Variants in BCL11B observed in about 807,000 individuals in gnomAD.
BCL11B encodes the protein B-cell lymphoma/leukemia 11B.
BCL11B carries 8 observed loss-of-function variants against 49.9 expected under a neutral mutation model. The ratio of observed to expected loss-of-function variants is 0.16; its 90% CI spans 0.09 to 0.29. The LOEUF is 0.29. Ranked by LOEUF, BCL11B falls within the 10% of genes least tolerant of loss-of-function variation. The probability of loss-of-function intolerance (pLI) is 1.00; values close to 1 mark genes in which losing one functional copy is unlikely to be tolerated. For missense variants in BCL11B, 1,006 were observed against 1,351.0 expected, an observed-to-expected ratio of 0.74 and a Z score of 4.00; for synonymous variants, 739 against 637.4, an observed-to-expected ratio of 1.16 and a Z score of -2.40.
intron 2 of BCL11B, among the ~76,000 whole-genome samples, chr14:99,245,966 C>T (rs373005953): frequency 6.6e-6 from 1 of 152,014 alleles, no homozygotes; most frequent in Admixed American, 6.5e-5. Context: ...GGAAAGGAGC[C>T]GGGAAAAAAG....
At position 99,232,497 on chromosome 14, in the gene BCL11B, G is replaced by T. The variant is rs1473618214; in HGVS notation, c.428-940C>A. Among the ~76,000 whole-genome samples the T allele has an allele frequency of 6.6e-6, 1 of 152,226 alleles. No homozygotes were observed. The highest frequency in any genetic ancestry group is 1.9e-4 in the East Asian group (1 of 5,196). Reference sequence around the variant, plus strand: ...AGCATCAGAGAGACAAAAAGGAAACGTCAACAAGAGGATGGGCAGCTGGGC... The same window carrying T: ...AGCATCAGAGAGACAAAAAGGAAACTTCAACAAGAGGATGGGCAGCTGGGC... On this transcript the variant is annotated intron_variant, in intron 2 of 3. Transcript: ENST00000357195. The surrounding 1 kb of genome is among the most constrained non-coding windows in gnomAD (Gnocchi z 5.1).
rs1555375841 is a variant in BCL11B at position 99,172,264 on chromosome 14, A to G, written c.*1887T>C. ...TTCAGCAGTAAATCACCTCCACTCC[A>G]TATCTAAGCAGCGTTGTCCCAAAAA... is the stretch of plus-strand genomic sequence containing the variant. On this transcript the variant is annotated 3_prime_UTR_variant, in exon 4 of 4. Coordinates refer to ENST00000357195, the MANE Select transcript of BCL11B (RefSeq NM_138576.4). 4 of 226,300 alleles carry G rather than the reference A, an allele frequency of 1.8e-5. No individual in the cohort carries two copies. Among genetic ancestry groups the G allele is most frequent in the Non-Finnish European group, 8.8e-6 (1 of 113,586 alleles). 14.0% of individuals were successfully genotyped at this position (226,300 alleles called of 1,614,324 possible). A position where few individuals can be genotyped will look rare whatever the true frequency, so the allele number is the denominator to read the frequency against.
Position 99,192,531 on chromosome 14 carries a change from C to A in BCL11B, c.641-16336G>T, listed in dbSNP as rs961397040. 6.6e-6 allele frequency among the ~76,000 whole-genome samples: 1 copy of A among 152,186 alleles called. No individual in the cohort carries two copies. Among genetic ancestry groups the A allele is most frequent in the African/African-American group, 2.4e-5 (1 of 41,436 alleles). On this transcript the variant is annotated intron_variant, in intron 3 of 3. Transcript: ENST00000357195. This position sits in a 1 kb window ranked among gnomAD's most constrained non-coding sequence, Gnocchi z 4.0. Reference sequence around the variant, plus strand: ...TACCTTTCACCTCGTCCTCGCCACACACACCCAGGCCCAGCCCCGCTGCCT... The same window carrying A: ...TACCTTTCACCTCGTCCTCGCCACAAACACCCAGGCCCAGCCCCGCTGCCT...
At position 99,231,297 on chromosome 14, in the gene BCL11B, A is replaced by G. The variant is rs1361320785; in HGVS notation, c.640+48T>C. 6.3e-7 allele frequency: 1 copy of G among 1,577,562 alleles called. No homozygotes were observed. The highest frequency in any genetic ancestry group is 1.4e-5 in the African/African-American group (1 of 73,798). Reference sequence around the variant, plus strand: ...CTTGCTCCAGCGCTGCCCATGGCACACCCCGCCATCCCGGGGGCCCGCCCC... The same window carrying G: ...CTTGCTCCAGCGCTGCCCATGGCACGCCCCGCCATCCCGGGGGCCCGCCCC... On this transcript the variant is annotated intron_variant, in intron 3 of 3. Coordinates refer to ENST00000357195, the MANE Select transcript of BCL11B (RefSeq NM_138576.4). This position sits in a 1 kb window ranked among gnomAD's most constrained non-coding sequence, Gnocchi z 8.1.
intron 1 of BCL11B, among the ~76,000 whole-genome samples, chr14:99,260,073 C>T (rs965811860): frequency 4.6e-5 from 7 of 152,092 alleles, no homozygotes; most frequent in Non-Finnish European, 1.0e-4. Context: ...ATGTATTGTG[C>T]GCCATTTTTA....
chr14:99,211,151 A>C (rs908887479), intron 3 of BCL11B, among the ~76,000 whole-genome samples: 2 of 152,180 alleles, frequency 1.3e-5, no homozygotes, highest in Non-Finnish European at 2.9e-5. Flanking sequence ...CTGAGGCTGG[A>C]AGATGGAAGT....
Position 99,254,985 on chromosome 14 carries a change from G to A in BCL11B, c.427+2486C>T, listed in dbSNP as rs565113027. On this transcript the variant is annotated intron_variant, in intron 2 of 3. Coordinates refer to ENST00000357195, the MANE Select transcript of BCL11B (RefSeq NM_138576.4). ...CAAAAATGCAACTACTGCAGTCCTC[G>A]GAATTCAATTAAGCTAAAATAATTA... 3.5e-4 allele frequency among the ~76,000 whole-genome samples: 53 copies of A among 152,226 alleles called. No individual in the cohort carries two copies. The Middle Eastern group carries it at 0.01, about 29-fold the overall frequency.
At chr14:99,183,926 G>A (rs891382283) in intron 3 of BCL11B, among the ~76,000 whole-genome samples, 6 of 151,938 alleles carry the variant, frequency 3.9e-5, no homozygotes, top group African/African-American at 1.2e-4. Context: ...CCCCCACCCC[G>A]AAGCCGGCTG....
chr14:99,253,566 G>A (rs542657359), intron 2 of BCL11B, among the ~76,000 whole-genome samples: 1 of 152,128 alleles, frequency 6.6e-6, no homozygotes, highest in Admixed American at 6.5e-5. Context: ...GGCTCAGAAG[G>A]TCAAGTGGCT....
At chr14:99,235,310 C>A (rs1223477523) in intron 2 of BCL11B, among the ~76,000 whole-genome samples, 1 of 152,116 alleles carries the variant, frequency 6.6e-6, no homozygotes, top group African/African-American at 2.4e-5. Flanking sequence ...CTGAGAACTC[C>A]TACTGATAGT....
In BCL11B at chr14:99,272,013, G is replaced by A. The variant is rs534825205; in HGVS notation, c.-795C>T. ...CTGGCAGGCTGGCGCCGGCCGGAGG[G>A]GCTGCCGAGTCCCCGCGAGCGCTCC... On this transcript the variant is annotated 5_prime_UTR_variant, in exon 1 of 4. Coordinates refer to ENST00000357195, the MANE Select transcript of BCL11B (RefSeq NM_138576.4). The surrounding 1 kb of genome is among the most constrained non-coding windows in gnomAD (Gnocchi z 6.0). Among the ~76,000 whole-genome samples, 1 of 152,092 alleles carries A rather than the reference G, an allele frequency of 6.6e-6. No individual in the cohort carries two copies. Among genetic ancestry groups the A allele is most frequent in the South Asian group, 2.1e-4 (1 of 4,828 alleles).
chr14:99,188,349 T>C (rs1352537087), intron 3 of BCL11B, among the ~76,000 whole-genome samples: 1 of 152,214 alleles, frequency 6.6e-6, no homozygotes, highest in Non-Finnish European at 1.5e-5. Flanking sequence ...CTTTAATGCA[T>C]TTTGCAAGTA....
chr14:99,224,863 G>A (rs373688416), intron 3 of BCL11B, among the ~76,000 whole-genome samples: 4 of 152,308 alleles, frequency 2.6e-5, no homozygotes, highest in African/African-American at 9.6e-5. Context: ...CACAATGCCT[G>A]CAGTCTAACA....
Position 99,271,813 on chromosome 14 carries a change from G to T in BCL11B, c.-595C>A, listed in dbSNP as rs1889700043. Among the ~76,000 whole-genome samples, 1 of 151,876 alleles carries T rather than the reference G, an allele frequency of 6.6e-6. No homozygotes were observed. Among genetic ancestry groups the T allele is most frequent in the Non-Finnish European group, 1.5e-5 (1 of 67,982 alleles). On this transcript the variant is annotated 5_prime_UTR_variant, in exon 1 of 4. Transcript: ENST00000357195. ...CAAAGAAAACTTGGGGACTTGTCTC[G>T]TACCCCCTCACCCCGCCCCCTCAAA...
chr14:99,235,404 A>G (rs1048664812), intron 2 of BCL11B, among the ~76,000 whole-genome samples: 2 of 152,210 alleles, frequency 1.3e-5, no homozygotes, highest in Admixed American at 6.5e-5. Context: ...GGAACCTGAC[A>G]GTCCCCGCGC....
chr14:99,197,981 A>C (rs1164965510), intron 3 of BCL11B, among the ~76,000 whole-genome samples: 1 of 152,194 alleles, frequency 6.6e-6, no homozygotes, highest in African/African-American at 2.4e-5. Context: ...CTGTGTCGGG[A>C]AGCTATCCAT....
chr14:99,270,442 G>A (rs1352167712), intron 1 of BCL11B, among the ~76,000 whole-genome samples: 2 of 136,936 alleles, frequency 1.5e-5, no homozygotes, highest in African/African-American at 5.3e-5. Context: ...GGGGAAAGAA[G>A]ACAAGATCAT....
intron 3 of BCL11B, among the ~76,000 whole-genome samples, chr14:99,221,835 AG>A (rs1566816727): frequency 6.6e-6 from 1 of 152,220 alleles, no homozygotes; most frequent in Non-Finnish European, 1.5e-5. Context: ...GAGTTCCTCT[AG>A]GGCAAGGACC....
rs966583868 is a variant in BCL11B, at chr14:99,192,205, G to A, written c.641-16010C>T. ...ACGGAATGCGTGTGTTTTGCTTGGCGGCTGTTCATAATACTGTCTTGGCAG... is the reference window on the plus strand; with the variant it reads ...ACGGAATGCGTGTGTTTTGCTTGGCAGCTGTTCATAATACTGTCTTGGCAG... On this transcript the variant is annotated intron_variant, in intron 3 of 3. Coordinates refer to ENST00000357195, the MANE Select transcript of BCL11B (RefSeq NM_138576.4). This position sits in a 1 kb window ranked among gnomAD's most constrained non-coding sequence, Gnocchi z 4.0. 4.6e-5 allele frequency among the ~76,000 whole-genome samples: 7 copies of A among 152,250 alleles called. No homozygotes were observed. In the East Asian group the frequency reaches 7.7e-4, roughly 17 times the overall value.
Sources: gnomAD v4.1 joint callset for allele counts (sites outside exome capture counted in the v4.1 genomes callset) on GRCh38, gnomAD v4.1.1 for gene constraint, Gnocchi (gnomAD v3.1) non-coding constraint, MANE v1.5 for transcripts, NCBI Gene and HGNC (gene_info 2026-07-23, HGNC 2026-07-21) for gene names.